The following PTBP3 variants were observed in gnomAD, a reference collection of about 807,000 sequenced individuals.
PTBP3 encodes polypyrimidine tract-binding protein 3.
PTBP3 carries 20 observed loss-of-function variants against 58.7 expected under a neutral mutation model. The observed-to-expected ratio is 0.34, with a 90% CI of 0.24 to 0.50. The LOEUF (loss-of-function observed/expected upper bound fraction) is 0.50, where lower values mean the gene tolerates loss of function less well. PTBP3 is among the 20% of genes least tolerant of loss of function. The probability of loss-of-function intolerance (pLI) is 0.98; values close to 1 mark genes in which losing one functional copy is unlikely to be tolerated. For synonymous variants in PTBP3, 185 were observed against 219.8 expected (o/e 0.84, Z 1.40); for missense variants, 509 against 637.2 (o/e 0.80, Z 2.17).
At chr9:112,323,863 A>G (rs1830047104) in intron 1 of PTBP3, among the ~76,000 whole-genome samples, 1 of 152,246 alleles carries the variant, frequency 6.6e-6, no homozygotes, top group Non-Finnish European at 1.5e-5. Flanking sequence ...TGTAAAAGTA[A>G]TAACAGCCAA....
At chr9:112,331,907 C>CA (rs895726010) in intron 1 of PTBP3, among the ~76,000 whole-genome samples, 2 of 152,046 alleles carry the variant, frequency 1.3e-5, no homozygotes, top group East Asian at 1.9e-4. Context: ...TTTTACGACA[C>CA]AAAAAAATAG....
At chr9:112,334,198 G>C (rs994542723), upstream of PTBP3, among the ~76,000 whole-genome samples, 1 of 152,036 alleles carries the variant, frequency 6.6e-6, no homozygotes, top group Non-Finnish European at 1.5e-5. Flanking sequence ...GGTGTGGCTG[G>C]GACGATGAAT....
intron 1 of PTBP3, among the ~76,000 whole-genome samples, chr9:112,303,774 G>T (rs541981906): frequency 5.5e-4 from 84 of 152,170 alleles, no homozygotes; most frequent in Non-Finnish European, 8.4e-4. Flanking sequence ...TGAGGCAGGA[G>T]AATCACTTGA....
At chr9:112,260,246 A>G (rs1333623026) in intron 5 of PTBP3, among the ~76,000 whole-genome samples, 1 of 152,238 alleles carries the variant, frequency 6.6e-6, no homozygotes, top group African/African-American at 2.4e-5. Context: ...GCCCTGTTCT[A>G]TTTAATGAGT....
At chr9:112,327,285 G>A (rs556924229) in intron 1 of PTBP3, among the ~76,000 whole-genome samples, 2 of 151,958 alleles carry the variant, frequency 1.3e-5, no homozygotes, top group African/African-American at 4.8e-5. Context: ...CATGAAGAAG[G>A]CCGGGCACAG....
rs1397061009 is a variant in PTBP3, at chr9:112,219,893, GA to G, written c.*3957del. 5.0e-6 allele frequency: 1 copy of G among 199,966 alleles called. No individual in the cohort carries two copies. The highest frequency in any genetic ancestry group is 1.8e-4 in the East Asian group (1 of 5,556). 12.4% of individuals were successfully genotyped at this position (199,966 alleles called of 1,614,324 possible). On this transcript the variant is annotated 3_prime_UTR_variant, in exon 14 of 14. Coordinates refer to ENST00000374257, the MANE Select transcript of PTBP3 (RefSeq NM_001163788.4). ...ACAACTAGCTGTTAAAATTTGCTCTGAAAAAAGACTGCTAATAGTCTTGTAG... is the reference window on the plus strand; with the variant it reads ...ACAACTAGCTGTTAAAATTTGCTCTGAAAAAGACTGCTAATAGTCTTGTAG...
At chr9:112,238,319 G>A (rs895939860) in intron 7 of PTBP3, among the ~76,000 whole-genome samples, 2 of 152,070 alleles carry the variant, frequency 1.3e-5, no homozygotes, top group Non-Finnish European at 2.9e-5. Flanking sequence ...TAAAATTATA[G>A]GACAGATTTA....
At chr9:112,315,722 CTGA>C (rs1367523474) in intron 1 of PTBP3, among the ~76,000 whole-genome samples, 1 of 152,210 alleles carries the variant, frequency 6.6e-6, no homozygotes, top group Admixed American at 6.5e-5. Flanking sequence ...AATAGCTACA[CTGA>C]TGAATTCTAT....
intron 7 of PTBP3, among the ~76,000 whole-genome samples, chr9:112,240,990 G>C (rs1835636222): frequency 6.6e-6 from 1 of 152,144 alleles, no homozygotes; most frequent in African/African-American, 2.4e-5. Context: ...ATGTGCTTGT[G>C]TTTCAAGGTA....
At chr9:112,340,691 T>G in the PTBP3 span, among the ~76,000 whole-genome samples, 1 of 151,850 alleles carries the variant, frequency 6.6e-6, no homozygotes, top group Non-Finnish European at 1.5e-5. Flanking sequence ...GAGACCAGCC[T>G]CAACATGGAG....
intron 7 of PTBP3, among the ~76,000 whole-genome samples, chr9:112,240,354 G>A (rs10124118): frequency 0.48 from 72,889 of 151,858 alleles, 17,958 homozygotes; most frequent in African/African-American, 0.59. Context: ...GCAGCGGAGC[G>A]GTCAATGATC....
At chr9:112,363,905 T>C in the PTBP3 span, among the ~76,000 whole-genome samples, 4 of 152,184 alleles carry the variant, frequency 2.6e-5, no homozygotes, top group Non-Finnish European at 5.9e-5. Flanking sequence ...TCTGTGAATT[T>C]TGACAAATAT....
intron 7 of PTBP3, among the ~76,000 whole-genome samples, chr9:112,245,524 A>C (rs187038768): frequency 2.0e-5 from 3 of 152,322 alleles, no homozygotes; most frequent in Admixed American, 6.5e-5. Context: ...ACACACACAG[A>C]AACATATATT....
At chr9:112,312,488 G>GTT (rs11384712) in intron 1 of PTBP3, among the ~76,000 whole-genome samples, 1,266 of 75,448 alleles carry the variant, frequency 0.017, 12 homozygotes, top group Non-Finnish European at 0.021. Flanking sequence ...TTTTTTTTTT[G>GTT]TTTTTTTTTT....
intron 7 of PTBP3, among the ~76,000 whole-genome samples, chr9:112,249,772 G>A (rs777396970): frequency 6.6e-6 from 1 of 150,824 alleles, no homozygotes; most frequent in Non-Finnish European, 1.5e-5. Flanking sequence ...TAGAATAAGT[G>A]AATTCTTAAA....
chr9:112,255,938 G>GT (rs1293213957), intron 5 of PTBP3, among the ~76,000 whole-genome samples: 2 of 151,916 alleles, frequency 1.3e-5, no homozygotes, highest in African/African-American at 4.8e-5. Context: ...TTCTTGAGTT[G>GT]TATCTATTTC....
At chr9:112,345,071 T>C in the PTBP3 span, among the ~76,000 whole-genome samples, 2 of 152,000 alleles carry the variant, frequency 1.3e-5, no homozygotes, top group African/African-American at 4.8e-5. Context: ...AGGCGGAGGT[T>C]GCGGTGAGCC....
chr9:112,268,401 A>G (rs1827210611), intron 3 of PTBP3, among the ~76,000 whole-genome samples: 1 of 152,212 alleles, frequency 6.6e-6, no homozygotes, highest in African/African-American at 2.4e-5. Flanking sequence ...GGTTCACTGA[A>G]GAACTTGAGA....
rs1312470361 is a variant in PTBP3, at chr9:112,252,891, C to T, written c.517-103G>A. On this transcript the variant is annotated intron_variant, in intron 5 of 13. Coordinates refer to ENST00000374257, the MANE Select transcript of PTBP3 (RefSeq NM_001163788.4). The stretch of plus-strand genomic sequence containing the variant: ...ATAAATCCTTTTAAATGAAAATTTT[C>T]TCTTGAAAACTTTGGTACCAAAATG... 16 of 719,330 alleles carry T rather than the reference C, an allele frequency of 2.2e-5. No homozygotes were observed. The East Asian group carries it at 4.1e-4, about 19-fold the overall frequency. 44.6% of individuals were successfully genotyped at this position (719,330 alleles called of 1,614,324 possible).
Sources: gnomAD v4.1 joint callset for allele counts (sites outside exome capture counted in the v4.1 genomes callset) on GRCh38, gnomAD v4.1.1 for gene constraint, MANE v1.5 for transcripts, NCBI Gene and HGNC (gene_info 2026-07-23, HGNC 2026-07-21) for gene names.